DNAJC18: variants seen among roughly 807,000 people sequenced by gnomAD.
DNAJC18 encodes the protein DnaJ heat shock protein family (Hsp40) member C18.
In DNAJC18, 40 loss-of-function variants were observed where a neutral mutation model predicts 48.6. The ratio of observed to expected loss-of-function variants is 0.82; its 90% CI spans 0.64 to 1.07. The LOEUF (loss-of-function observed/expected upper bound fraction) is 1.07. Among genes scored for constraint, DNAJC18 ranks in the 50% least tolerant of loss-of-function variants. The probability of loss-of-function intolerance (pLI) is 0.00; values close to 1 mark genes in which losing one functional copy is unlikely to be tolerated. For missense variants in DNAJC18, 340 were observed against 427.7 expected, an observed-to-expected ratio of 0.79 and a Z score of 1.81; for synonymous variants, 135 against 152.2, an observed-to-expected ratio of 0.89 and a Z score of 0.83.
chr5:139,433,377 G>T (rs1371378532), intron 2 of DNAJC18, among the ~76,000 whole-genome samples: 7 of 151,336 alleles, frequency 4.6e-5, no homozygotes, highest in Admixed American at 3.9e-4. Flanking sequence ...CTGGGAGGTG[G>T]AGGTTGCAGT....
intron 7 of DNAJC18, among the ~76,000 whole-genome samples, 181 bp downstream of exon 7, chr5:139,419,872 T>C (rs1206139095): frequency 1.3e-5 from 2 of 152,178 alleles, no homozygotes; most frequent in Non-Finnish European, 2.9e-5. Flanking sequence ...CCTGGCCACA[T>C]GTATCCTGTC....
chr5:139,434,266 T>G (rs1225576638), intron 2 of DNAJC18, among the ~76,000 whole-genome samples: 1 of 152,230 alleles, frequency 6.6e-6, no homozygotes, highest in Non-Finnish European at 1.5e-5. Context: ...TTCAAACTGA[T>G]GCCACTCAAA....
chr5:139,412,057 A>G lies in DNAJC18; in HGVS notation c.*2091T>C, dbSNP rs1215362710. 1.3e-5 allele frequency: 2 copies of G among 152,054 alleles called. No individual in the cohort carries two copies. Among genetic ancestry groups the G allele is most frequent in the African/African-American group, 4.8e-5 (2 of 41,402 alleles). 9.4% of individuals were successfully genotyped at this position (152,054 alleles called of 1,614,324 possible). ...TCTAGTTGGGCAGCAAAATCTGGCT[A>G]TTTCTAGAAATGCTCCCTCTCCCTG... is the stretch of plus-strand genomic sequence containing the variant. On this transcript the variant is annotated 3_prime_UTR_variant, in exon 8 of 8. Transcript: ENST00000302060.
At position 139,414,060 on chromosome 5, in the gene DNAJC18, T is replaced by C; in HGVS notation, c.*88A>G. The C allele has an allele frequency of 6.5e-7, 1 of 1,536,934 alleles. No homozygotes were observed. The highest frequency in any genetic ancestry group is 8.7e-7 in the Non-Finnish European group (1 of 1,144,854). On this transcript the variant is annotated 3_prime_UTR_variant, in exon 8 of 8. Transcript: ENST00000302060. ...TTAGCAAATAGTAAAGTGTTCATCA[T>C]TACCTAGTTTTGTATTATAAAATGG...
chr5:139,426,399 C>T, intron 3 of DNAJC18, 42 bp from the exon 4 acceptor site: 1 of 1,604,656 alleles, frequency 6.2e-7, no homozygotes, highest in South Asian at 1.1e-5. Context: ...ACAGTCTTTG[C>T]TATGGCTGAG....
At chr5:139,433,944 T>G (rs1297737635) in intron 2 of DNAJC18, among the ~76,000 whole-genome samples, 1 of 152,302 alleles carries the variant, frequency 6.6e-6, no homozygotes, top group African/African-American at 2.4e-5. Context: ...CAGGCTGGAG[T>G]GCAATGGCAC....
At chr5:139,417,666 C>T (rs1012009714) in intron 7 of DNAJC18, among the ~76,000 whole-genome samples, 8 of 151,540 alleles carry the variant, frequency 5.3e-5, no homozygotes, top group South Asian at 4.2e-4. Context: ...CTCCGCCTCC[C>T]GGGTTCAAGA....
intron 6 of DNAJC18, among the ~76,000 whole-genome samples, chr5:139,421,278 T>A (rs905761747): frequency 4.6e-5 from 7 of 151,712 alleles, no homozygotes; most frequent in African/African-American, 1.7e-4. Flanking sequence ...TGAAACCCAG[T>A]CTCTACTAAA....
At chr5:139,421,676 G>A (rs368418792) in intron 6 of DNAJC18, among the ~76,000 whole-genome samples, 3 of 151,062 alleles carry the variant, frequency 2.0e-5, no homozygotes, top group East Asian at 2.0e-4. Context: ...GTGGTGGTGC[G>A]TGCCGCCTGT....
intron 6 of DNAJC18, 112 bp downstream of exon 6, chr5:139,422,596 G>A: frequency 1.2e-6 from 1 of 826,854 alleles, no homozygotes; most frequent in Non-Finnish European, 1.9e-6. Flanking sequence ...ACATCAAATC[G>A]GTGTTTTCTA....
At chr5:139,427,442 CAGAA>C (rs1416397678) in intron 3 of DNAJC18, among the ~76,000 whole-genome samples, 3 of 152,168 alleles carry the variant, frequency 2.0e-5, no homozygotes, top group African/African-American at 7.2e-5. Flanking sequence ...GTCAGAAACA[CAGAA>C]AGAGTATTTC....
intron 7 of DNAJC18, among the ~76,000 whole-genome samples, chr5:139,419,386 A>G (rs1759116603): frequency 6.6e-6 from 1 of 152,234 alleles, no homozygotes; most frequent in South Asian, 2.1e-4. Flanking sequence ...AGAGAGGGAA[A>G]TAGGGGGGAA....
chr5:139,417,568 ATTTTTTTT>A (rs762169642), intron 7 of DNAJC18, among the ~76,000 whole-genome samples: 1 of 114,472 alleles, frequency 8.7e-6, no homozygotes, highest in Admixed American at 9.0e-5. Context: ...TACTCACTGG[ATTTTTTTT>A]TTTTTTTTTT....
chr5:139,431,379 C>A (rs1013681154), intron 2 of DNAJC18, among the ~76,000 whole-genome samples: 1 of 152,130 alleles, frequency 6.6e-6, no homozygotes, highest in Non-Finnish European at 1.5e-5. Context: ...CTCCCCCAGC[C>A]CCTGGGACCC....
At chr5:139,421,455 G>A (rs561601421) in intron 6 of DNAJC18, among the ~76,000 whole-genome samples, 2 of 151,590 alleles carry the variant, frequency 1.3e-5, no homozygotes, top group African/African-American at 2.4e-5. Flanking sequence ...AGACTGCTTC[G>A]AAAACAAAAA....
At chr5:139,426,394 C>A in intron 3 of DNAJC18, 37 bp from the exon 4 acceptor site, 1 of 1,607,726 alleles carries the variant, frequency 6.2e-7, no homozygotes, top group South Asian at 1.1e-5. Context: ...AGGACACAGT[C>A]TTTGCTATGG....
rs931411175 is a variant in DNAJC18, at chr5:139,412,250, G to A, written c.*1898C>T. On this transcript the variant is annotated 3_prime_UTR_variant, in exon 8 of 8. Transcript: ENST00000302060. Reference sequence around the variant, plus strand: ...GTAAATCATGGCCATGCATTGGGATGAAGAAACTTTACTTTGGAATCTGTT... The same window carrying A: ...GTAAATCATGGCCATGCATTGGGATAAAGAAACTTTACTTTGGAATCTGTT... The A allele has an allele frequency of 2.0e-5, 3 of 152,640 alleles. No homozygotes were observed. The highest frequency in any genetic ancestry group is 7.2e-5 in the African/African-American group (3 of 41,428). The allele number at this position is 152,640 out of a possible 1,614,324, so 9.5% of individuals were successfully genotyped here. A position where few individuals can be genotyped will look rare whatever the true frequency, so the allele number is the denominator to read the frequency against.
At chr5:139,419,648 G>A (rs1430571505) in intron 7 of DNAJC18, among the ~76,000 whole-genome samples, 1 of 152,190 alleles carries the variant, frequency 6.6e-6, no homozygotes, top group Non-Finnish European at 1.5e-5. Context: ...ACTGACTGGT[G>A]AGACTGGGGA....
intron 2 of DNAJC18, among the ~76,000 whole-genome samples, chr5:139,435,700 T>C (rs577927424): frequency 7.1e-6 from 1 of 141,412 alleles, no homozygotes; most frequent in Non-Finnish European, 1.5e-5. Context: ...TTTTCTTCAT[T>C]GGAAGTTTTT....
Sources: allele counts gnomAD v4.1 joint callset (sites outside exome capture counted in the v4.1 genomes callset), GRCh38; gene constraint gnomAD v4.1.1; transcripts MANE v1.5; gene names NCBI Gene and HGNC (gene_info 2026-07-23, HGNC 2026-07-21).